Variants in ULK4 observed in about 807,000 individuals in gnomAD.
The protein encoded by ULK4 is inactive serine/threonine-protein kinase ULK4.
Under a neutral mutation model 160.6 loss-of-function variants are expected in ULK4, and 133 were observed. That is an observed-to-expected ratio of 0.83 (90% CI 0.72 to 0.96). The LOEUF is 0.96. ULK4 is among the 40% of genes least tolerant of loss of function. The probability of loss-of-function intolerance (pLI) is 0.00; values close to 1 mark genes in which losing one functional copy is unlikely to be tolerated. For synonymous variants in ULK4, 534 were observed against 539.8 expected (o/e 0.99, Z 0.15); for missense variants, 1,580 against 1,499.5 (o/e 1.05, Z -0.89).
intron 17 of ULK4, among the ~76,000 whole-genome samples, chr3:41,845,059 G>A (rs1283658742): frequency 4.0e-5 from 6 of 151,096 alleles, no homozygotes; most frequent in South Asian, 4.2e-4. Flanking sequence ...TCCGCTTCCC[G>A]GGTTCATGCC....
At chr3:41,476,200 T>C (rs1026386463) in intron 32 of ULK4, among the ~76,000 whole-genome samples, 1 of 152,122 alleles carries the variant, frequency 6.6e-6, no homozygotes, top group Non-Finnish European at 1.5e-5. Context: ...TCTCCCACCT[T>C]ACCTAGTGGG....
chr3:41,669,767 AATAAT>A (rs1177583874), intron 29 of ULK4, among the ~76,000 whole-genome samples: 1 of 150,890 alleles, frequency 6.6e-6, no homozygotes, highest in African/African-American at 2.5e-5. Flanking sequence ...ATAATATAAT[AATAAT>A]ATAAGACAGC....
At chr3:41,674,278 T>G (rs2035632320) in intron 29 of ULK4, among the ~76,000 whole-genome samples, 1 of 152,216 alleles carries the variant, frequency 6.6e-6, no homozygotes, top group Non-Finnish European at 1.5e-5. Flanking sequence ...ATAGTCAGCA[T>G]AAGACTACTT....
intron 20 of ULK4, among the ~76,000 whole-genome samples, chr3:41,796,260 C>T (rs745380656): frequency 7.2e-5 from 11 of 152,226 alleles, no homozygotes; most frequent in Non-Finnish European, 1.3e-4. Flanking sequence ...AGAACCCAGT[C>T]TCTCTCTGTC....
chr3:41,640,606 C>A (rs974811260), intron 30 of ULK4, among the ~76,000 whole-genome samples: 1 of 152,122 alleles, frequency 6.6e-6, no homozygotes. Context: ...CGGAGAATCA[C>A]TGCCCCAAAT....
At chr3:41,885,259 G>A (rs1158066671) in intron 16 of ULK4, among the ~76,000 whole-genome samples, 1 of 152,126 alleles carries the variant, frequency 6.6e-6, no homozygotes, top group Non-Finnish European at 1.5e-5. Flanking sequence ...AAATAAAAAT[G>A]TATCAACATG....
intron 31 of ULK4, among the ~76,000 whole-genome samples, chr3:41,572,735 C>T: frequency 6.8e-6 from 1 of 147,282 alleles, no homozygotes; most frequent in East Asian, 2.0e-4. Flanking sequence ...CACTGCACTC[C>T]AGCCTGGGCG....
intron 18 of ULK4, among the ~76,000 whole-genome samples, chr3:41,830,005 A>G (rs1391884515): frequency 6.6e-6 from 1 of 151,866 alleles, no homozygotes; most frequent in African/African-American, 2.4e-5. Flanking sequence ...AGGGACATGG[A>G]TGAAGCTGGA....
Position 41,541,371 on chromosome 3 carries a change from T to C in ULK4, c.3226+24654A>G, listed in dbSNP as rs182173789. Among the ~76,000 whole-genome samples, 76 of 152,336 alleles carry C rather than the reference T, an allele frequency of 5.0e-4. 1 individual carries two copies. Among genetic ancestry groups the C allele is most frequent in the Admixed American group, 1.3e-3 (20 of 15,310 alleles). ...GGTGTTATTTCTGAGGCGTCCGTTC[T>C]GTTCCATTGGTCTATATACCTGTTT... On this transcript the variant is annotated intron_variant, in intron 32 of 36. Coordinates refer to ENST00000301831, the MANE Select transcript of ULK4 (RefSeq NM_017886.4).
chr3:41,309,012 G>A (rs1488033514), intron 35 of ULK4, among the ~76,000 whole-genome samples: 1 of 152,106 alleles, frequency 6.6e-6, no homozygotes, highest in Non-Finnish European at 1.5e-5. Flanking sequence ...ATACTTTCTA[G>A]AAGACTCTCA....
chr3:41,517,131 T>A (rs139185093), intron 32 of ULK4, among the ~76,000 whole-genome samples: 6 of 152,280 alleles, frequency 3.9e-5, no homozygotes, highest in African/African-American at 7.2e-5. Context: ...ATACTTAATA[T>A]CATATGTCAT....
chr3:41,299,198 C>T (rs1321883171), intron 35 of ULK4, among the ~76,000 whole-genome samples: 1 of 152,150 alleles, frequency 6.6e-6, no homozygotes, highest in African/African-American at 2.4e-5. Context: ...GAGAACAAGC[C>T]TGGGCTATCC....
At chr3:41,700,650 G>A (rs1277863029) in intron 27 of ULK4, among the ~76,000 whole-genome samples, 5 of 152,110 alleles carry the variant, frequency 3.3e-5, no homozygotes, top group African/African-American at 7.2e-5. Flanking sequence ...CCCGCTAATG[G>A]ATTTCAGGGA....
chr3:41,831,532 T>TATATATATA (rs577123829), intron 18 of ULK4, among the ~76,000 whole-genome samples: 1 of 125,904 alleles, frequency 7.9e-6, no homozygotes, highest in East Asian at 2.4e-4. Context: ...TATATATATA[T>TATATATATA]TTTTTTTTCT....
chr3:41,492,143 T>G (rs893973666), intron 32 of ULK4, among the ~76,000 whole-genome samples: 3 of 150,530 alleles, frequency 2.0e-5, no homozygotes, highest in Non-Finnish European at 4.4e-5. Flanking sequence ...GTTGGACATT[T>G]GGGTCGGGTC....
chr3:41,416,466 G>C (rs1007733855), intron 34 of ULK4, among the ~76,000 whole-genome samples: 1 of 152,066 alleles, frequency 6.6e-6, no homozygotes, highest in South Asian at 2.1e-4. Flanking sequence ...GTAACAAAAG[G>C]CCTCTTTGAA....
At chr3:41,907,368 C>T (rs965663381) in intron 12 of ULK4, among the ~76,000 whole-genome samples, 2 of 151,898 alleles carry the variant, frequency 1.3e-5, no homozygotes, top group Non-Finnish European at 2.9e-5. Flanking sequence ...GCTGTCATTG[C>T]TCACTGCAGC....
intron 27 of ULK4, among the ~76,000 whole-genome samples, chr3:41,696,547 G>A (rs188535986): frequency 7.9e-5 from 12 of 151,770 alleles, no homozygotes; most frequent in Admixed American, 3.3e-4. Context: ...ACTGGTCTCC[G>A]CATCTTGGTG....
Position 41,789,669 on chromosome 3 carries a change from G to C in ULK4, c.2185C>G (p.Gln729Glu). The change falls in exon 21 of 37, where the codon CAA becomes GAA. Residue 729 changes from glutamine (Q) to glutamate (E), a missense_variant. By Grantham distance (29) the Gln-to-Glu change is conservative. Transcript: ENST00000301831. ...SCGIHLQRLI[Q>E]EKGFVSTIIR... ...TAAAATCTAAGTCAAACCTTTTCTTGGATTAGTCTTTGAAGATGAATCCCA... is the reference window on the plus strand; with the variant it reads ...TAAAATCTAAGTCAAACCTTTTCTTCGATTAGTCTTTGAAGATGAATCCCA... 1 of 1,571,140 alleles carries C rather than the reference G, an allele frequency of 6.4e-7. No homozygotes were observed. The highest frequency in any genetic ancestry group is 8.6e-7 in the Non-Finnish European group (1 of 1,160,912).
Sources: gnomAD v4.1 joint callset for allele counts (sites outside exome capture counted in the v4.1 genomes callset) on GRCh38, gnomAD v4.1.1 for gene constraint, MANE v1.5 for transcripts, NCBI Gene and HGNC (gene_info 2026-07-23, HGNC 2026-07-21) for gene names.